ARHGEF12: variants seen among roughly 807,000 people sequenced by gnomAD.
ARHGEF12 encodes the protein KMT2A/ARHGEF12 fusion protein.
A neutral mutation model predicts 211.2 loss-of-function variants in ARHGEF12; 66 were observed. The ratio of observed to expected loss-of-function variants is 0.31; its 90% CI spans 0.26 to 0.38. The LOEUF is 0.38. Among genes scored for constraint, ARHGEF12 ranks in the 10% least tolerant of loss-of-function variants. The pLI, the probability that ARHGEF12 is intolerant of heterozygous loss-of-function variation, is 1.00. For missense variants in ARHGEF12, 1,429 were observed against 1,869.5 expected, an observed-to-expected ratio of 0.76 and a Z score of 4.34; for synonymous variants, 592 against 638.4, an observed-to-expected ratio of 0.93 and a Z score of 1.09.
At chr11:120,445,845 C>A (rs1369098991) in intron 16 of ARHGEF12, among the ~76,000 whole-genome samples, 1 of 151,810 alleles carries the variant, frequency 6.6e-6, no homozygotes, top group East Asian at 1.9e-4. Context: ...TTGCAGTGAG[C>A]TGAGATTATG....
chr11:120,431,824 T>A lies in ARHGEF12; in HGVS notation c.837T>A (p.Ser279Arg). The change falls in exon 11 of 41, where the codon AGT becomes AGA. Residue 279 changes from serine (S) to arginine (R), a missense_variant. Ser to Arg is a moderately radical substitution (Grantham distance 110). Around this residue, in one of 7 missense-constraint regions of ARHGEF12, gnomAD observed 254 missense variants for 286.4 expected, o/e 0.89. Coordinates refer to ENST00000397843, the MANE Select transcript of ARHGEF12 (RefSeq NM_015313.3). ...SRPLGDTLTV[S>R]EAETDPGDVL... is the part of the protein sequence containing the mutation. ...CTTTAGGGGACACCCTAACAGTCAG[T>A]GAGGCAGAAACAGATCCTGGAGATG... 1 of 1,614,028 alleles carries A rather than the reference T, an allele frequency of 6.2e-7. No homozygotes were observed. Among genetic ancestry groups the A allele is most frequent in the Non-Finnish European group, 8.5e-7 (1 of 1,179,934 alleles).
chr11:120,447,119 T>C, intron 18 of ARHGEF12, 34 bp downstream of exon 18: 2 of 1,604,988 alleles, frequency 1.2e-6, no homozygotes, highest in East Asian at 2.2e-5. Flanking sequence ...AAATGCCCTC[T>C]CTGCTGAGAT....
chr11:120,347,654 T>C (rs1313510456), intron 1 of ARHGEF12, among the ~76,000 whole-genome samples: 3 of 152,220 alleles, frequency 2.0e-5, no homozygotes, highest in Non-Finnish European at 2.9e-5. Flanking sequence ...TCAGGTTAGT[T>C]TGTCTTGAAG....
intron 27 of ARHGEF12, chr11:120,464,526 G>A (rs1469658096): frequency 2.0e-5 from 3 of 151,824 alleles, no homozygotes; most frequent in African/African-American, 4.8e-5. Context: ...AGGTTGCAGT[G>A]AGCTGAGATT....
At chr11:120,389,770 CAT>C (rs1327722186) in intron 1 of ARHGEF12, among the ~76,000 whole-genome samples, 2 of 152,182 alleles carry the variant, frequency 1.3e-5, no homozygotes, top group East Asian at 1.9e-4. Context: ...TGAGTGAGAA[CAT>C]GTGAAGTTTG....
At chr11:120,337,548 T>G (rs4938799) in intron 1 of ARHGEF12, 389,626 of 985,034 alleles carry the variant, frequency 0.4, 78,199 homozygotes, top group African/African-American at 0.55. Flanking sequence ...TAGTGTGCAT[T>G]AGGATTGTGT....
intron 1 of ARHGEF12, among the ~76,000 whole-genome samples, chr11:120,338,476 T>C (rs1942425764): frequency 1.3e-5 from 2 of 152,246 alleles, no homozygotes; most frequent in South Asian, 2.1e-4. Context: ...CTTAAAAGAG[T>C]CTGTTAAATA....
rs539109656 is a variant in ARHGEF12, at chr11:120,401,193, A to G, written c.33-4925A>G. On this transcript the variant is annotated intron_variant, in intron 1 of 40. Transcript: ENST00000397843. ...GATTCCACAATTTTTAGTTCTTCTA[A>G]TGGCTCTAAGCTAGACCAATTATAA... 5.6e-4 allele frequency among the ~76,000 whole-genome samples: 86 copies of G among 152,296 alleles called. No homozygotes were observed. In the Middle Eastern group the frequency reaches 0.02, roughly 36 times the overall value.
At chr11:120,453,975 C>T (rs1946286096) in intron 22 of ARHGEF12, among the ~76,000 whole-genome samples, 1 of 152,176 alleles carries the variant, frequency 6.6e-6, no homozygotes, top group African/African-American at 2.4e-5. Flanking sequence ...CAGTCTCTGT[C>T]ACTTGTAGAC....
chr11:120,465,911 G>C (rs764435016), intron 28 of ARHGEF12, among the ~76,000 whole-genome samples: 21 of 152,328 alleles, frequency 1.4e-4, no homozygotes, highest in South Asian at 8.3e-4. Flanking sequence ...GCTTTTATCA[G>C]TAAACAACCG....
chr11:120,380,881 G>A (rs1458328312), intron 1 of ARHGEF12, among the ~76,000 whole-genome samples: 1 of 152,140 alleles, frequency 6.6e-6, no homozygotes, highest in African/African-American at 2.4e-5. Context: ...TCTAATGCTA[G>A]GTTTCTTTTC....
chr11:120,429,667 T>C, intron 9 of ARHGEF12, 45 bp from the exon 10 acceptor site: 1 of 1,585,370 alleles, frequency 6.3e-7, no homozygotes, highest in South Asian at 1.1e-5. Flanking sequence ...CTGTATCTTT[T>C]TTACATAAGT....
intron 1 of ARHGEF12, among the ~76,000 whole-genome samples, chr11:120,382,663 G>A (rs1943909979): frequency 6.6e-6 from 1 of 152,168 alleles, no homozygotes; most frequent in African/African-American, 2.4e-5. Context: ...AGTACTGTAT[G>A]TATTCATTCA....
chr11:120,375,949 C>T (rs966148967), intron 1 of ARHGEF12, among the ~76,000 whole-genome samples: 3 of 151,972 alleles, frequency 2.0e-5, no homozygotes, highest in African/African-American at 4.8e-5. Flanking sequence ...GTTTTTCTTA[C>T]GATTTGACTG....
chr11:120,488,400 T>C lies in ARHGEF12; in HGVS notation c.*3323T>C. On this transcript the variant is annotated 3_prime_UTR_variant, in exon 41 of 41. Transcript: ENST00000397843. ...AATTAGCAGGGCCTCACAGTCAGCT[T>C]CCTCATGGCTAGTTTTTCCCCCTTA... The C allele has an allele frequency of 4.6e-6, 1 of 216,588 alleles. No individual in the cohort carries two copies. 13.4% of individuals were successfully genotyped at this position (216,588 alleles called of 1,614,324 possible).
intron 6 of ARHGEF12, among the ~76,000 whole-genome samples, chr11:120,422,874 T>G (rs1256779258): frequency 6.6e-6 from 1 of 152,176 alleles, no homozygotes; most frequent in Non-Finnish European, 1.5e-5. Flanking sequence ...GAAATAGATT[T>G]TGAATTCAGA....
intron 1 of ARHGEF12, among the ~76,000 whole-genome samples, chr11:120,358,530 C>T (rs1943191941): frequency 6.6e-6 from 1 of 152,152 alleles, no homozygotes; most frequent in Admixed American, 6.5e-5. Flanking sequence ...TTTAAGTATT[C>T]ACTATCTGTT....
At chr11:120,386,155 T>G (rs1944023427) in intron 1 of ARHGEF12, among the ~76,000 whole-genome samples, 1 of 152,194 alleles carries the variant, frequency 6.6e-6, no homozygotes, top group South Asian at 2.1e-4. Context: ...ATTATAAATT[T>G]GAAGAAGCTG....
chr11:120,346,442 A>G (rs1942722598), intron 1 of ARHGEF12, among the ~76,000 whole-genome samples: 1 of 152,202 alleles, frequency 6.6e-6, no homozygotes, highest in African/African-American at 2.4e-5. Context: ...TAAAGCTTTC[A>G]CTCAGTCATG....
Sources: allele counts gnomAD v4.1 joint callset (sites outside exome capture counted in the v4.1 genomes callset), GRCh38; gene constraint gnomAD v4.1.1; regional missense constraint gnomAD v4.1.1; transcripts MANE v1.5; gene names NCBI Gene and HGNC (gene_info 2026-07-23, HGNC 2026-07-21).